NUDCD3: variants seen among roughly 807,000 people sequenced by gnomAD.
The protein encoded by NUDCD3 is NudC domain containing 3, also known as nudC domain-containing protein 3.
A neutral mutation model predicts 39.7 loss-of-function variants in NUDCD3; 13 were observed. That is an observed-to-expected ratio of 0.33 (90% confidence interval 0.21 to 0.52). NUDCD3 has a LOEUF of 0.52. Ranked by LOEUF, NUDCD3 falls within the 20% of genes least tolerant of loss-of-function variation. NUDCD3 has a pLI of 0.96. For missense variants in NUDCD3, 453 were observed against 458.1 expected (o/e 0.99, Z 0.10); for synonymous variants, 175 against 172.4 (o/e 1.02, Z -0.12).
At chr7:44,484,601 C>G (rs10260219) in intron 2 of NUDCD3, 26,939 of 184,562 alleles carry the variant, frequency 0.15, 2,468 homozygotes, top group Non-Finnish European at 0.2. Flanking sequence ...CCTCAGGCAT[C>G]ATGAGCAAAT....
At chr7:44,463,472 G>C (rs559161094) in intron 2 of NUDCD3, among the ~76,000 whole-genome samples, 1 of 152,198 alleles carries the variant, frequency 6.6e-6, no homozygotes, top group East Asian at 1.9e-4. Flanking sequence ...AGGCTAACAG[G>C]AACCTCAAAT....
At chr7:44,412,943 G>GAAAAAAAAAAAAAA (rs1294502339) in intron 3 of NUDCD3, among the ~76,000 whole-genome samples, 1 of 126,376 alleles carries the variant, frequency 7.9e-6, no homozygotes, top group African/African-American at 3.1e-5. Context: ...AAAAAAAAAA[G>GAAAAAAAAAAAAAA]AAAAAAAAAA....
At chr7:44,426,795 CAAAAAAAAAAAA>C (rs777817601) in intron 3 of NUDCD3, among the ~76,000 whole-genome samples, 9 of 54,758 alleles carry the variant, frequency 1.6e-4, no homozygotes, top group Non-Finnish European at 2.6e-4. Context: ...GACTCCGTCT[CAAAAAAAAAAAA>C]AAAAAAAAAT....
At chr7:44,395,838 GC>G (rs1435928527) in intron 4 of NUDCD3, among the ~76,000 whole-genome samples, 2 of 152,120 alleles carry the variant, frequency 1.3e-5, no homozygotes, top group Non-Finnish European at 2.9e-5. Flanking sequence ...CATTTCAGGT[GC>G]CCCCACTTTT....
chr7:44,454,791 G>C (rs1443763487), intron 2 of NUDCD3, among the ~76,000 whole-genome samples: 1 of 152,048 alleles, frequency 6.6e-6, no homozygotes, highest in Non-Finnish European at 1.5e-5. Flanking sequence ...TAATTAGCCA[G>C]GCACACTGGC....
intron 2 of NUDCD3, among the ~76,000 whole-genome samples, chr7:44,433,488 T>C (rs1319053209): frequency 6.6e-6 from 1 of 151,968 alleles, no homozygotes; most frequent in Admixed American, 6.6e-5. Flanking sequence ...GTGCATGCAA[T>C]GTGTGTGTGG....
chr7:44,402,717 A>G, intron 4 of NUDCD3: 1 of 456,610 alleles, frequency 2.2e-6, no homozygotes, highest in South Asian at 1.5e-5. Flanking sequence ...AGTTCACCCA[A>G]CGGAAGGCAG....
intron 4 of NUDCD3, among the ~76,000 whole-genome samples, chr7:44,398,766 T>C (rs1798669233): frequency 6.6e-6 from 1 of 152,112 alleles, no homozygotes; most frequent in South Asian, 2.1e-4. Flanking sequence ...CTTATGGGAA[T>C]GTTGTGGGAC....
At chr7:44,470,113 G>T (rs376384993) in intron 2 of NUDCD3, among the ~76,000 whole-genome samples, 1 of 152,110 alleles carries the variant, frequency 6.6e-6, no homozygotes, top group East Asian at 1.9e-4. Context: ...AGAATTCTTC[G>T]CATGACTTCT....
chr7:44,489,443 G>T (rs1336819033), intron 1 of NUDCD3, among the ~76,000 whole-genome samples: 1 of 152,222 alleles, frequency 6.6e-6, no homozygotes, highest in African/African-American at 2.4e-5. Context: ...CCAACCTGCA[G>T]CATGCATTAA....
At chr7:44,443,065 C>T (rs184649194) in intron 2 of NUDCD3, among the ~76,000 whole-genome samples, 1 of 152,278 alleles carries the variant, frequency 6.6e-6, no homozygotes, top group Non-Finnish European at 1.5e-5. Context: ...CGTATTCACA[C>T]AGAAAGCAGG....
chr7:44,489,721 T>C (rs1800692016), intron 1 of NUDCD3: 1 of 8,852 alleles, frequency 1.1e-4, no homozygotes, highest in Admixed American at 1.2e-3. Context: ...TTTCTCTCTT[T>C]AACTGTGTCA....
intron 2 of NUDCD3, among the ~76,000 whole-genome samples, chr7:44,473,049 C>T (rs532180016): frequency 3.9e-5 from 6 of 152,154 alleles, no homozygotes; most frequent in Non-Finnish European, 8.8e-5. Context: ...GTGATGCTGG[C>T]ACACGGGAAA....
chr7:44,401,457 G>A (rs976013405), intron 4 of NUDCD3, among the ~76,000 whole-genome samples: 4 of 152,200 alleles, frequency 2.6e-5, no homozygotes, highest in Non-Finnish European at 5.9e-5. Context: ...GGTCCAGAAA[G>A]AGGTGGAGGC....
chr7:44,402,053 T>C (rs1481737970), intron 4 of NUDCD3, among the ~76,000 whole-genome samples: 3 of 152,202 alleles, frequency 2.0e-5, no homozygotes, highest in Admixed American at 6.5e-5. Context: ...AACGGAGCAA[T>C]GCTTCCCAGC....
intron 2 of NUDCD3, among the ~76,000 whole-genome samples, chr7:44,440,406 C>T (rs964083889): frequency 4.9e-5 from 7 of 142,774 alleles, no homozygotes; most frequent in African/African-American, 1.3e-4. Context: ...CTGAAGGTGA[C>T]GAGAACATAA....
At chr7:44,417,540 C>T (rs1391908265) in intron 3 of NUDCD3, among the ~76,000 whole-genome samples, 1 of 152,178 alleles carries the variant, frequency 6.6e-6, no homozygotes, top group Non-Finnish European at 1.5e-5. Flanking sequence ...TAGAGCAGTT[C>T]AGAAGACAGA....
chr7:44,444,270 A>C (rs959606440), intron 2 of NUDCD3, among the ~76,000 whole-genome samples: 13 of 152,148 alleles, frequency 8.5e-5, no homozygotes, highest in African/African-American at 3.1e-4. Flanking sequence ...TGTAAATCTA[A>C]AAAGAGAAAG....
In NUDCD3 at chr7:44,385,919, G is replaced by T; in HGVS notation, c.*92C>A. On this transcript the variant is annotated 3_prime_UTR_variant, in exon 6 of 6. Coordinates refer to ENST00000355451, the MANE Select transcript of NUDCD3 (RefSeq NM_015332.4). ...AAGGATGGCTAGGGGTAAACAAGAC[G>T]AGCAAGTCCCTGGAATGCAGGGAGC... The T allele has an allele frequency of 2.7e-6, 2 of 729,674 alleles. No homozygotes were observed. Among genetic ancestry groups the T allele is most frequent in the South Asian group, 1.5e-5 (1 of 65,354 alleles). 45.2% of individuals were successfully genotyped at this position (729,674 alleles called of 1,614,324 possible). A position where few individuals can be genotyped will look rare whatever the true frequency, so the allele number is the denominator to read the frequency against.
Sources: allele counts gnomAD v4.1 joint callset (sites outside exome capture counted in the v4.1 genomes callset), GRCh38; gene constraint gnomAD v4.1.1; transcripts MANE v1.5; gene names NCBI Gene and HGNC (gene_info 2026-07-23, HGNC 2026-07-21).